GALNT14: variants seen among roughly 807,000 people sequenced by gnomAD.
GALNT14 encodes the protein polypeptide N-acetylgalactosaminyltransferase 14.
A neutral mutation model predicts 77.5 loss-of-function variants in GALNT14; 60 were observed. That is an observed-to-expected ratio of 0.77 (90% CI 0.63 to 0.96). The LOEUF is 0.96. Ranked by LOEUF, GALNT14 falls within the 40% of genes least tolerant of loss-of-function variation. The pLI is 0.00. For missense variants in GALNT14, 710 were observed against 731.0 expected, an observed-to-expected ratio of 0.97 and a Z score of 0.33; for synonymous variants, 280 against 281.7, an observed-to-expected ratio of 0.99 and a Z score of 0.06.
intron 1 of GALNT14, among the ~76,000 whole-genome samples, chr2:31,097,913 A>C (rs1677081172): frequency 6.6e-6 from 1 of 152,124 alleles, no homozygotes; most frequent in Non-Finnish European, 1.5e-5. Context: ...CCTTCTACCC[A>C]GGCTGGAGTA....
chr2:31,129,433 T>G, intron 1 of GALNT14: 2 of 985,476 alleles, frequency 2.0e-6, no homozygotes, highest in Non-Finnish European at 2.4e-6. Context: ...CTAGCTCCTC[T>G]TCTGATAAAG....
At chr2:31,021,948 C>T (rs1361373214) in intron 1 of GALNT14, among the ~76,000 whole-genome samples, 3 of 152,174 alleles carry the variant, frequency 2.0e-5, no homozygotes, top group East Asian at 1.9e-4. Flanking sequence ...GTAATAACCA[C>T]CCTGTAGGGA....
chr2:31,109,665 T>C (rs1415759442), intron 1 of GALNT14, among the ~76,000 whole-genome samples: 1 of 152,230 alleles, frequency 6.6e-6, no homozygotes, highest in Non-Finnish European at 1.5e-5. Flanking sequence ...GGACGCGATG[T>C]GGTACAATCA....
At chr2:31,075,149 T>A (rs1473498283) in intron 1 of GALNT14, among the ~76,000 whole-genome samples, 1 of 152,130 alleles carries the variant, frequency 6.6e-6, no homozygotes, top group Non-Finnish European at 1.5e-5. Context: ...CACCCTCTGT[T>A]CTCTTTGCTC....
At chr2:31,100,759 G>A (rs570244805) in intron 1 of GALNT14, among the ~76,000 whole-genome samples, 99 of 151,302 alleles carry the variant, frequency 6.5e-4, no homozygotes, top group African/African-American at 2.2e-3. Flanking sequence ...GTAGAGTTAC[G>A]TCCTGATAAA....
At chr2:31,076,122 A>G (rs984615766) in intron 1 of GALNT14, among the ~76,000 whole-genome samples, 2 of 152,218 alleles carry the variant, frequency 1.3e-5, no homozygotes, top group African/African-American at 4.8e-5. Flanking sequence ...GAACTGGAGA[A>G]AAGAGTTGAG....
chr2:30,967,962 C>T (rs990912429), intron 2 of GALNT14, among the ~76,000 whole-genome samples: 3 of 152,240 alleles, frequency 2.0e-5, no homozygotes, highest in African/African-American at 7.2e-5. Flanking sequence ...CCTTCCTCTA[C>T]CTGAGGACTC....
At chr2:30,938,856 T>C (rs1666212384) in intron 9 of GALNT14, among the ~76,000 whole-genome samples, 1 of 152,180 alleles carries the variant, frequency 6.6e-6, no homozygotes, top group African/African-American at 2.4e-5. Flanking sequence ...ACACAATACA[T>C]GCAAACATGT....
In GALNT14 at chr2:31,107,321, A is replaced by AT. The variant is rs1474807582; in HGVS notation, c.129+30636dup. Reference sequence around the variant, plus strand: ...GATGCCCCTTATATCCAGGATGTGTATTTTTTCTGGCACTCTTTGCCACCT... The same window carrying AT: ...GATGCCCCTTATATCCAGGATGTGTATTTTTTTCTGGCACTCTTTGCCACCT... On this transcript the variant is annotated intron_variant, in intron 1 of 14. Coordinates refer to ENST00000349752, the MANE Select transcript of GALNT14 (RefSeq NM_024572.4). Among the ~76,000 whole-genome samples the AT allele has an allele frequency of 7.9e-5, 12 of 151,890 alleles. No homozygotes were observed. The East Asian group carries it at 2.3e-3, about 29-fold the overall frequency.
chr2:30,994,627 A>T (rs1669911200), intron 1 of GALNT14, among the ~76,000 whole-genome samples: 1 of 152,200 alleles, frequency 6.6e-6, no homozygotes, highest in Non-Finnish European at 1.5e-5. Context: ...AGAAACCCCC[A>T]GCCTGTGTTT....
the GALNT14 span, among the ~76,000 whole-genome samples, chr2:30,904,934 C>A: frequency 6.6e-6 from 1 of 151,918 alleles, no homozygotes; most frequent in East Asian, 1.9e-4. Flanking sequence ...CTGGGAGGCA[C>A]CCCCCAGCAG....
At chr2:31,135,736 C>T (rs1161701226) in intron 1 of GALNT14, among the ~76,000 whole-genome samples, 3 of 152,214 alleles carry the variant, frequency 2.0e-5, no homozygotes, top group African/African-American at 4.8e-5. Context: ...TAAAGTACCA[C>T]TCATTTGTTG....
rs1679150136 is a variant in GALNT14, at chr2:31,134,699, TGGG to T, written c.129+3256_129+3258del. On this transcript the variant is annotated intron_variant, in intron 1 of 14. Transcript: ENST00000349752. ...TAGCACCTCCCTTACACAAACCCCC[TGGG>T]AGCTCTCCAAGGGTGAGGATCTAGG... Among the ~76,000 whole-genome samples the T allele has an allele frequency of 4.6e-5, 7 of 152,198 alleles. No homozygotes were observed. In the East Asian group the frequency reaches 1.4e-3, roughly 29 times the overall value.
chr2:31,036,990 G>A (rs1031722298), intron 1 of GALNT14, among the ~76,000 whole-genome samples: 8 of 152,158 alleles, frequency 5.3e-5, no homozygotes, highest in South Asian at 2.1e-4. Context: ...ATCCTGTCTG[G>A]AGTCTGTTGA....
rs3223043 is a variant in GALNT14 at position 31,000,435 on chromosome 2, CTGTGTGTGTGTGTGTGTG to C, written c.130-7446_130-7429del. On this transcript the variant is annotated intron_variant, in intron 1 of 14. Coordinates refer to ENST00000349752, the MANE Select transcript of GALNT14 (RefSeq NM_024572.4). ...GGGTTCTACAGAAAAATATCACCAA[CTGTGTGTGTGTGTGTGTG>C]TGTGTGTGTGTGTGTGTGTGTATAC... 4.8e-5 allele frequency among the ~76,000 whole-genome samples: 7 copies of C among 146,080 alleles called. No homozygotes were observed. In the South Asian group the frequency reaches 1.4e-3, roughly 29 times the overall value.
At chr2:31,025,731 G>T (rs2194454) in intron 1 of GALNT14, among the ~76,000 whole-genome samples, 2 of 151,980 alleles carry the variant, frequency 1.3e-5, no homozygotes, top group East Asian at 1.9e-4. Flanking sequence ...ACAGGGTATG[G>T]GTGTACAGAT....
intron 9 of GALNT14, among the ~76,000 whole-genome samples, chr2:30,935,603 G>A (rs1666006555): frequency 6.6e-6 from 1 of 152,246 alleles, no homozygotes; most frequent in Non-Finnish European, 1.5e-5. Context: ...GGCAGTCTGA[G>A]GGATGCGGCT....
At chr2:31,059,165 G>A (rs911740859) in intron 1 of GALNT14, among the ~76,000 whole-genome samples, 3 of 152,096 alleles carry the variant, frequency 2.0e-5, no homozygotes, top group Non-Finnish European at 4.4e-5. Context: ...ATTTCCCAAG[G>A]GACAATATTT....
chr2:31,016,305 C>T (rs1262144842), intron 1 of GALNT14, among the ~76,000 whole-genome samples: 1 of 152,072 alleles, frequency 6.6e-6, no homozygotes, highest in African/African-American at 2.4e-5. Flanking sequence ...TGTAAGGACA[C>T]CAATCAGATT....
Sources: gnomAD v4.1 joint callset for allele counts (sites outside exome capture counted in the v4.1 genomes callset) on GRCh38, gnomAD v4.1.1 for gene constraint, MANE v1.5 for transcripts, NCBI Gene and HGNC (gene_info 2026-07-23, HGNC 2026-07-21) for gene names.